CUBN: variants seen among roughly 807,000 people sequenced by gnomAD.
The protein encoded by CUBN is cubilin.
Under a neutral mutation model 405.3 loss-of-function variants are expected in CUBN, and 282 were observed. The ratio of observed to expected loss-of-function variants is 0.70; its 90% confidence interval spans 0.63 to 0.77. The LOEUF (loss-of-function observed/expected upper bound fraction) is 0.77. CUBN is among the 30% of genes least tolerant of loss of function. The pLI, the probability that CUBN is intolerant of heterozygous loss-of-function variation, is 0.00. For synonymous variants in CUBN, 1,684 were observed against 1,617.0 expected (o/e 1.04, Z -0.99); for missense variants, 4,514 against 4,475.2 (o/e 1.01, Z -0.25).
intron 36 of CUBN, among the ~76,000 whole-genome samples, chr10:16,940,698 C>T (rs546756364): frequency 6.6e-6 from 1 of 152,206 alleles, no homozygotes; most frequent in African/African-American, 2.4e-5. Flanking sequence ...GGCACATGTG[C>T]AGAGAAGGGC....
chr10:17,034,490 A>T (rs897492231), intron 27 of CUBN, among the ~76,000 whole-genome samples: 3 of 152,236 alleles, frequency 2.0e-5, no homozygotes, highest in African/African-American at 7.2e-5. Context: ...TGAAGTGAGG[A>T]TAAAACAGGC....
chr10:17,065,714 C>G (rs1835600859), intron 21 of CUBN, 76 bp from the exon 22 acceptor site: 7 of 1,547,624 alleles, frequency 4.5e-6, no homozygotes, highest in Non-Finnish European at 5.3e-6. Flanking sequence ...AAAATTTGGA[C>G]ATGTAAATAT....
chr10:17,049,602 G>T (rs923375784), intron 22 of CUBN, among the ~76,000 whole-genome samples: 5 of 152,060 alleles, frequency 3.3e-5, no homozygotes, highest in Admixed American at 2.0e-4. Context: ...CTGAAATTTT[G>T]ATTTACTCAC....
intron 48 of CUBN, among the ~76,000 whole-genome samples, chr10:16,910,156 C>A (rs532764978): frequency 6.6e-6 from 1 of 151,474 alleles, no homozygotes; most frequent in African/African-American, 2.4e-5. Context: ...CTCTCCTTCT[C>A]CTTCTTATTG....
Position 17,068,196 on chromosome 10 carries a change from G to C in CUBN, c.2876C>G (p.Thr959Ser), listed in dbSNP as rs774966324. The change falls in exon 21 of 67, where the codon ACT (threonine) becomes AGT (serine). Residue 959 changes from threonine (T) to serine (S), a missense_variant. By Grantham distance (58) the Thr-to-Ser change is moderately conservative. This residue lies in a region of CUBN where 1,448 missense variants were observed against 1,388.0 expected (regional missense o/e 1.04). Transcript: ENST00000377833. ...PNVYPHGINC[T>S]WHILVQPNHL... ...ATTAGGTTGGACTAATATATGCCAA[G>C]TACAGTTGATACCGTGGGGGTAGAC... 21 of 1,613,634 alleles carry C rather than the reference G, an allele frequency of 1.3e-5. No homozygotes were observed. In the South Asian group the frequency reaches 2.3e-4, roughly 18 times the overall value.
At chr10:16,975,961 C>T (rs1356461540) in intron 31 of CUBN, among the ~76,000 whole-genome samples, 1 of 144,296 alleles carries the variant, frequency 6.9e-6, no homozygotes, top group Non-Finnish European at 1.5e-5. Context: ...ATTTATTTCA[C>T]CTTTATTCCT....
rs572847824 is a variant in CUBN at position 16,947,103 on chromosome 10, G to A, written c.5342+132C>T. ...GCTATTTATAACTCAAACTATGACT[G>A]AAACAGAGGAAATTTGGAAAAATAC... On this transcript the variant is annotated intron_variant, in intron 36 of 66. Coordinates refer to ENST00000377833, the MANE Select transcript of CUBN (RefSeq NM_001081.4). The A allele has an allele frequency of 5.2e-6, 5 of 953,034 alleles. No individual in the cohort carries two copies. The South Asian group carries it at 7.0e-5, about 13-fold the overall frequency. The allele number at this position is 953,034 out of a possible 1,614,324, so 59.0% of individuals were successfully genotyped here.
chr10:16,902,309 G>A (rs1436685326), intron 51 of CUBN, among the ~76,000 whole-genome samples: 1 of 136,676 alleles, frequency 7.3e-6, no homozygotes, highest in South Asian at 2.2e-4. Flanking sequence ...TGTATATATA[G>A]TATATATATT....
chr10:17,041,817 T>C (rs1446336209), intron 26 of CUBN, among the ~76,000 whole-genome samples: 3 of 151,838 alleles, frequency 2.0e-5, no homozygotes, highest in African/African-American at 7.3e-5. Flanking sequence ...ATAGATAGAG[T>C]AGAAAGGATT....
chr10:17,103,160 TA>T lies in CUBN; in HGVS notation c.1494del (p.Asn499ThrfsTer23). 1 of 1,613,826 alleles carries T rather than the reference TA, an allele frequency of 6.2e-7. No individual in the cohort carries two copies. The highest frequency in any genetic ancestry group is 8.5e-7 in the Non-Finnish European group (1 of 1,179,756). On this transcript the variant is annotated frameshift_variant, in exon 13 of 67. Transcript: ENST00000377833. LOFTEE classifies it high-confidence loss of function. ...RSPDVGYVHD[V>X]NCFWVIKTEM... ...TCAGTTTTGATAACCCAGAAGCAGT[TA>T]ACATCATGAACATAACCAACATCCG...
intron 31 of CUBN, chr10:16,966,063 G>C (rs772528659): frequency 3.7e-5 from 17 of 459,752 alleles, no homozygotes; most frequent in Non-Finnish European, 7.2e-5. Flanking sequence ...AGATATTCAC[G>C]GTCTCCAAGA....
rs1554788544 is a variant in CUBN, at chr10:16,889,935, C to CAAAAAAAAAAAAAAAAA, written c.8755+419_8755+435dup. ...CTGGCGACAGAGTGAGACGCCGTGT[C>CAAAAAAAAAAAAAAAAA]AAAAAAAAAAAAAAAAAACAGGAAA... On this transcript the variant is annotated intron_variant, in intron 55 of 66. Transcript: ENST00000377833. 2.4e-3 allele frequency among the ~76,000 whole-genome samples: 47 copies of CAAAAAAAAAAAAAAAAA among 19,906 alleles called. 13 individuals carry two copies. Among genetic ancestry groups the CAAAAAAAAAAAAAAAAA allele is most frequent in the African/African-American group, 8.9e-3 (43 of 4,828 alleles). The allele number at this position is 19,906 out of a possible 152,430, so 13.1% of individuals were successfully genotyped here. A position where few individuals can be genotyped will look rare whatever the true frequency, so the allele number is the denominator to read the frequency against.
intron 59 of CUBN, among the ~76,000 whole-genome samples, chr10:16,865,898 C>T (rs1454638107): frequency 6.6e-6 from 1 of 152,134 alleles, no homozygotes; most frequent in Admixed American, 6.5e-5. Flanking sequence ...TAACACTCAC[C>T]ACGAAGGTCC....
chr10:16,973,519 C>G (rs995700052), intron 31 of CUBN, among the ~76,000 whole-genome samples: 2 of 152,152 alleles, frequency 1.3e-5, no homozygotes, highest in Non-Finnish European at 2.9e-5. Context: ...GTTCAAGGGT[C>G]CATGTGCAGG....
chr10:16,970,434 G>A (rs1438771498), intron 31 of CUBN, among the ~76,000 whole-genome samples: 1 of 152,078 alleles, frequency 6.6e-6, no homozygotes, highest in African/African-American at 2.4e-5. Flanking sequence ...ATATTAGCCG[G>A]GCATGGTGGC....
At chr10:17,012,176 AG>A (rs1289133172) in intron 28 of CUBN, among the ~76,000 whole-genome samples, 1 of 152,178 alleles carries the variant, frequency 6.6e-6, no homozygotes, top group Non-Finnish European at 1.5e-5. Flanking sequence ...TTGATTCTAG[AG>A]GAAACAAATT....
At chr10:16,844,006 A>C (rs1362698186) in intron 60 of CUBN, among the ~76,000 whole-genome samples, 4 of 152,126 alleles carry the variant, frequency 2.6e-5, no homozygotes. Flanking sequence ...GTGGTGGCTC[A>C]TTCCTGTAAT....
chr10:17,106,597 CAAA>C (rs113317804), intron 10 of CUBN, among the ~76,000 whole-genome samples: 7 of 111,104 alleles, frequency 6.3e-5, no homozygotes, highest in Admixed American at 1.0e-4. Flanking sequence ...AACGCCATCT[CAAA>C]AAAAAAAAAA....
chr10:16,866,893 C>CT (rs1482768787), intron 59 of CUBN, among the ~76,000 whole-genome samples: 4 of 152,184 alleles, frequency 2.6e-5, no homozygotes, highest in Non-Finnish European at 4.4e-5. Flanking sequence ...TAATTAGCAA[C>CT]TAGGGATAGT....
Sources: gnomAD v4.1 joint callset for allele counts (sites outside exome capture counted in the v4.1 genomes callset) on GRCh38, gnomAD v4.1.1 for gene constraint, gnomAD v4.1.1 regional missense constraint, MANE v1.5 for transcripts, NCBI Gene and HGNC (gene_info 2026-07-23, HGNC 2026-07-21) for gene names.